SPAG1: variants seen among roughly 807,000 people sequenced by gnomAD.
SPAG1 encodes sperm associated antigen 1.
In SPAG1, 69 loss-of-function variants were observed where a neutral mutation model predicts 100.5. The ratio of observed to expected loss-of-function variants is 0.69; its 90% CI spans 0.57 to 0.84. The LOEUF (loss-of-function observed/expected upper bound fraction) is 0.84. SPAG1 is among the 40% of genes least tolerant of loss of function. SPAG1 has a pLI of 0.00. For synonymous variants in SPAG1, 336 were observed against 411.6 expected (o/e 0.82, Z 2.22); for missense variants, 955 against 1,133.1 (o/e 0.84, Z 2.26).
At chr8:100,236,490 G>C (rs1188882409) in intron 16 of SPAG1, among the ~76,000 whole-genome samples, 1 of 152,146 alleles carries the variant, frequency 6.6e-6, no homozygotes, top group Non-Finnish European at 1.5e-5. Flanking sequence ...GAATGTGTCA[G>C]AACTCACGCC....
intron 10 of SPAG1, among the ~76,000 whole-genome samples, chr8:100,195,982 T>C (rs147889369): frequency 8.5e-4 from 129 of 152,350 alleles, no homozygotes; most frequent in Admixed American, 2.6e-3. Context: ...GGAAAGTATG[T>C]CACCTTTTGA....
In SPAG1 at chr8:100,239,562, AATG is replaced by A. The variant is rs2132443902; in HGVS notation, c.2280+161_2280+163del. 6.6e-6 allele frequency among the ~76,000 whole-genome samples: 1 copy of A among 152,346 alleles called. No individual in the cohort carries two copies. Among genetic ancestry groups the A allele is most frequent in the African/African-American group, 2.4e-5 (1 of 41,578 alleles). ...ACCAGCAACAAAATGTCTCCTTTGC[AATG>A]ATAATTAGCCATTGTATTTCCCAAC... On this transcript the variant is annotated intron_variant, in intron 17 of 18. Transcript: ENST00000388798. This position sits in a 1 kb window ranked among gnomAD's most constrained non-coding sequence, Gnocchi z 5.0.
At chr8:100,224,741 CA>C (rs1818432599) in intron 13 of SPAG1, among the ~76,000 whole-genome samples, 1 of 152,170 alleles carries the variant, frequency 6.6e-6, no homozygotes, top group African/African-American at 2.4e-5. Flanking sequence ...ATGTGGTTAT[CA>C]TAATGTACAG....
chr8:100,226,038 C>A (rs1818498028), intron 14 of SPAG1, among the ~76,000 whole-genome samples: 1 of 147,188 alleles, frequency 6.8e-6, no homozygotes, highest in South Asian at 2.1e-4. Context: ...ACTTTGATGT[C>A]CAGGCTAGAG....
At position 100,194,109 on chromosome 8, in the gene SPAG1, C is replaced by T. The variant is rs1816927018; in HGVS notation, c.940-3C>T. The stretch of plus-strand genomic sequence containing the variant: ...TTTCTTTAATATGGTAATTATGTTG[C>T]AGAAAACCTTGTCAGAGGTTGAAAG... On this transcript the variant is annotated splice_polypyrimidine_tract_variant and splice_region_variant and intron_variant, in intron 9 of 18. Coordinates refer to ENST00000388798, the MANE Select transcript of SPAG1 (RefSeq NM_003114.5). The T allele has an allele frequency of 6.8e-7, 1 of 1,469,686 alleles. No homozygotes were observed. The highest frequency in any genetic ancestry group is 9.2e-7 in the Non-Finnish European group (1 of 1,084,252). The allele number at this position is 1,469,686 out of a possible 1,614,324, so 91.0% of individuals were successfully genotyped here. A position where few individuals can be genotyped will look rare whatever the true frequency, so the allele number is the denominator to read the frequency against.
chr8:100,166,703 G>A (rs567444777), intron 3 of SPAG1, among the ~76,000 whole-genome samples: 1 of 152,272 alleles, frequency 6.6e-6, no homozygotes, highest in South Asian at 2.1e-4. Context: ...CAGGCCAGGA[G>A]TTTGAGACCA....
chr8:100,214,990 T>A (rs1294312381), intron 12 of SPAG1, among the ~76,000 whole-genome samples: 1 of 66 alleles, frequency 0.015, no homozygotes, highest in African/African-American at 0.062. Context: ...ACTTTACTCA[T>A]ATATATATAT....
Position 100,241,138 on chromosome 8 carries a change from CT to C in SPAG1, c.*117del. ...TTGGCCTAGAAAAGTTTGGTCTGCA[CT>C]ATAAAACATTTTACTTATTTTCCTA... On this transcript the variant is annotated 3_prime_UTR_variant, in exon 19 of 19. Transcript: ENST00000388798. This position sits in a 1 kb window ranked among gnomAD's most constrained non-coding sequence, Gnocchi z 5.1. 1 of 905,966 alleles carries C rather than the reference CT, an allele frequency of 1.1e-6. No homozygotes were observed. Among genetic ancestry groups the C allele is most frequent in the South Asian group, 2.1e-5 (1 of 48,292 alleles). The allele number at this position is 905,966 out of a possible 1,614,324, so 56.1% of individuals were successfully genotyped here.
At chr8:100,197,731 G>A (rs1298133831) in intron 10 of SPAG1, among the ~76,000 whole-genome samples, 1 of 152,190 alleles carries the variant, frequency 6.6e-6, no homozygotes, top group East Asian at 1.9e-4. Context: ...TGGTAATGCT[G>A]TCCCTTTATG....
At position 100,233,095 on chromosome 8, in the gene SPAG1, G is replaced by A. The variant is rs934624589; in HGVS notation, c.1989-316G>A. On this transcript the variant is annotated intron_variant, in intron 15 of 18. Transcript: ENST00000388798. Reference sequence around the variant, plus strand: ...GTCTTCCCTGCCTGCTCTGCGCCTTGTCTCAGCCCCACTGAATCTGATGTA... The same window carrying A: ...GTCTTCCCTGCCTGCTCTGCGCCTTATCTCAGCCCCACTGAATCTGATGTA... 1.4e-5 allele frequency: 4 copies of A among 284,728 alleles called. No homozygotes were observed. The East Asian group carries it at 5.0e-4, about 35-fold the overall frequency. 17.6% of individuals were successfully genotyped at this position (284,728 alleles called of 1,614,324 possible). A position where few individuals can be genotyped will look rare whatever the true frequency, so the allele number is the denominator to read the frequency against.
intron 10 of SPAG1, 138 bp from the exon 11 acceptor site, chr8:100,212,952 C>G (rs1817779409): frequency 1.6e-6 from 1 of 640,966 alleles, no homozygotes; most frequent in Non-Finnish European, 2.3e-6. Flanking sequence ...AGCACAGGCT[C>G]CGCCCGCAGG....
rs965754652 is a variant in SPAG1 at position 100,241,293 on chromosome 8, A to C, written c.*271A>C. 1 of 210,696 alleles carries C rather than the reference A, an allele frequency of 4.7e-6. No homozygotes were observed. The highest frequency in any genetic ancestry group is 9.3e-6 in the Non-Finnish European group (1 of 107,510). The allele number at this position is 210,696 out of a possible 1,614,324, so 13.1% of individuals were successfully genotyped here. On this transcript the variant is annotated 3_prime_UTR_variant, in exon 19 of 19. Coordinates refer to ENST00000388798, the MANE Select transcript of SPAG1 (RefSeq NM_003114.5). The surrounding 1 kb of genome is among the most constrained non-coding windows in gnomAD (Gnocchi z 5.1). Reference sequence around the variant, plus strand: ...TAATTTATGATATACATATTATTTTAATTACTTGTTAAAATTTTGAGTTAA... The same window carrying C: ...TAATTTATGATATACATATTATTTTCATTACTTGTTAAAATTTTGAGTTAA...
rs781148069 is a variant in SPAG1 at position 100,162,234 on chromosome 8, ATTAT to A, written c.-2-40_-2-37del. The A allele has an allele frequency of 1.1e-5, 16 of 1,410,638 alleles. No individual in the cohort carries two copies. The African/African-American group carries it at 2.2e-4, about 20-fold the overall frequency. 87.4% of individuals were successfully genotyped at this position (1,410,638 alleles called of 1,614,324 possible). A position where few individuals can be genotyped will look rare whatever the true frequency, so the allele number is the denominator to read the frequency against. Reference sequence around the variant, plus strand: ...ATGGTTACCACTATCCAAATTGAGTATTATTTATACATTAGATTAATAACTTTTA... The same window carrying A: ...ATGGTTACCACTATCCAAATTGAGTATTATACATTAGATTAATAACTTTTA... On this transcript the variant is annotated intron_variant, in intron 1 of 18. Transcript: ENST00000388798.
At chr8:100,220,453 C>A in intron 13 of SPAG1, 22 bp downstream of exon 13, 1 of 1,595,358 alleles carries the variant, frequency 6.3e-7, no homozygotes, top group Non-Finnish European at 8.5e-7. Flanking sequence ...GAGGCAGCTA[C>A]CTAAAATCTA....
intron 4 of SPAG1, among the ~76,000 whole-genome samples, chr8:100,182,924 T>A (rs1397839272): frequency 6.6e-6 from 1 of 152,136 alleles, no homozygotes; most frequent in Non-Finnish European, 1.5e-5. Flanking sequence ...CTGAAGTTAT[T>A]ATAACTTCCA....
intron 14 of SPAG1, among the ~76,000 whole-genome samples, chr8:100,230,689 T>A (rs1035282929): frequency 6.6e-6 from 1 of 152,186 alleles, no homozygotes; most frequent in African/African-American, 2.4e-5. Context: ...AACGGCATGA[T>A]CTTGGCTCAC....
chr8:100,221,063 A>C (rs1818252905), intron 13 of SPAG1, among the ~76,000 whole-genome samples: 1 of 151,238 alleles, frequency 6.6e-6, no homozygotes, highest in African/African-American at 2.5e-5. Context: ...ACGGAGCAAG[A>C]TTCCAACTCC....
At position 100,213,032 on chromosome 8, in the gene SPAG1, C is replaced by G. The variant is rs536386172; in HGVS notation, c.1097-58C>G. On this transcript the variant is annotated intron_variant, in intron 10 of 18. Transcript: ENST00000388798. ...TGCACCCCCGCGGCCTCCGCGGCCT[C>G]CGCGGCAACTGCTCCCGGTGATGCA... 210 of 1,346,640 alleles carry G rather than the reference C, an allele frequency of 1.6e-4. 3 individuals are homozygous for G. The South Asian group carries it at 3.1e-3, about 20-fold the overall frequency. The allele number at this position is 1,346,640 out of a possible 1,614,324, so 83.4% of individuals were successfully genotyped here. A position where few individuals can be genotyped will look rare whatever the true frequency, so the allele number is the denominator to read the frequency against.
At chr8:100,199,753 C>T (rs1457129848) in intron 10 of SPAG1, among the ~76,000 whole-genome samples, 1 of 152,000 alleles carries the variant, frequency 6.6e-6, no homozygotes, top group Non-Finnish European at 1.5e-5. Context: ...AGCCTCTTTG[C>T]CCATTTTTAA....
Sources: allele counts gnomAD v4.1 joint callset (sites outside exome capture counted in the v4.1 genomes callset), GRCh38; gene constraint gnomAD v4.1.1; non-coding constraint Gnocchi (gnomAD v3.1); transcripts MANE v1.5; gene names NCBI Gene and HGNC (gene_info 2026-07-23, HGNC 2026-07-21).